SNAI3: variants seen among roughly 807,000 people sequenced by gnomAD.
The protein encoded by SNAI3 is snail family transcriptional repressor 3.
In SNAI3, 21 loss-of-function variants were observed where a neutral mutation model predicts 16.4. The observed-to-expected ratio is 1.28, with a 90% CI of 0.91 to 1.85. The LOEUF is 1.85. Ranked by LOEUF, SNAI3 falls within the 40% of genes most tolerant of loss-of-function variation. The pLI is 0.00. For synonymous variants in SNAI3, 202 were observed against 166.6 expected (o/e 1.21, Z -1.64); for missense variants, 457 against 372.8 (o/e 1.23, Z -1.86).
At chr16:88,682,236 C>T (rs1381351959) in intron 1 of SNAI3, among the ~76,000 whole-genome samples, 1 of 152,222 alleles carries the variant, frequency 6.6e-6, no homozygotes, top group Non-Finnish European at 1.5e-5. Context: ...AGTCGCCCCT[C>T]GGGCATCTCC....
intron 1 of SNAI3, among the ~76,000 whole-genome samples, chr16:88,684,379 C>G (rs1369814104): frequency 1.3e-5 from 2 of 152,246 alleles, no homozygotes; most frequent in Non-Finnish European, 2.9e-5. Context: ...GACAGTCTCG[C>G]CCCGTCAGGC....
chr16:88,682,577 C>G (rs555912180), intron 1 of SNAI3, among the ~76,000 whole-genome samples: 64 of 152,340 alleles, frequency 4.2e-4, no homozygotes, highest in South Asian at 1.0e-3. Flanking sequence ...TAAAATGGAT[C>G]TCTGGCTCTG....
chr16:88,680,892 C>T (rs865910258), intron 2 of SNAI3, among the ~76,000 whole-genome samples: 1 of 152,198 alleles, frequency 6.6e-6, no homozygotes, highest in Admixed American at 6.5e-5. Context: ...CCTGCACTGG[C>T]CCCTGCTGAC....
Position 88,681,924 on chromosome 16 carries a change from G to T in SNAI3, c.77-210C>A, listed in dbSNP as rs980006827. 6.6e-6 allele frequency among the ~76,000 whole-genome samples: 1 copy of T among 152,174 alleles called. No homozygotes were observed. The highest frequency in any genetic ancestry group is 1.5e-5 in the Non-Finnish European group (1 of 68,026). On this transcript the variant is annotated intron_variant, in intron 1 of 2. Transcript: ENST00000332281. The surrounding 1 kb of genome is among the most constrained non-coding windows in gnomAD (Gnocchi z 5.4). ...GCGTGGCCAGGAGTGGAGTCATCTA[G>T]AACAAGAAGGCCCCGCGGTCTAGAG... is the stretch of plus-strand genomic sequence containing the variant.
chr16:88,686,242 C>G (rs2142951291), intron 1 of SNAI3, 89 bp downstream of exon 1: 1 of 1,486,828 alleles, frequency 6.7e-7, no homozygotes. Context: ...ACAGGTGTCT[C>G]CCCAGCCCCC....
Position 88,680,275 on chromosome 16 carries a change from A to ATTTTTTTTTTTT in SNAI3, c.697+807_697+818dup, listed in dbSNP as rs560411217. Among the ~76,000 whole-genome samples, 17 of 55,102 alleles carry ATTTTTTTTTTTT rather than the reference A, an allele frequency of 3.1e-4. 2 individuals carry two copies. Among genetic ancestry groups the ATTTTTTTTTTTT allele is most frequent in the Non-Finnish European group, 4.7e-4 (15 of 31,800 alleles). The allele number at this position is 55,102 out of a possible 152,430, so 36.1% of individuals were successfully genotyped here. ...GTACTTTAATGGCATTATGTTTTTG[A>ATTTTTTTTTTTT]TTTTTTTTTTTTTTTTTTTTTTTTT... On this transcript the variant is annotated intron_variant, in intron 2 of 2. Coordinates refer to ENST00000332281, the MANE Select transcript of SNAI3 (RefSeq NM_178310.4).
At chr16:88,686,253 G>A in intron 1 of SNAI3, 78 bp downstream of exon 1, 2 of 1,520,956 alleles carry the variant, frequency 1.3e-6, no homozygotes, top group Non-Finnish European at 8.9e-7. Flanking sequence ...CCCAGCCCCC[G>A]CTCCCAGGGG....
At chr16:88,683,084 C>CTTTTTT (rs35518035) in intron 1 of SNAI3, among the ~76,000 whole-genome samples, 8 of 98,894 alleles carry the variant, frequency 8.1e-5, no homozygotes, top group African/African-American at 2.8e-4. Context: ...GCCCCCCACC[C>CTTTTTT]TTTTTTTTTT....
chr16:88,678,215 GGA>G lies in SNAI3; in HGVS notation c.*231_*232del, dbSNP rs1440291084. ...CTTGTTCTGATGAAAGCCTTCCCCG[GGA>G]GAGGAGTCTCCTCTGAGTGGGCTCC... is the stretch of plus-strand genomic sequence containing the variant. On this transcript the variant is annotated 3_prime_UTR_variant, in exon 3 of 3. Transcript: ENST00000332281. 6.3e-6 allele frequency: 3 copies of G among 478,322 alleles called. No individual in the cohort carries two copies. Among genetic ancestry groups the G allele is most frequent in the Non-Finnish European group, 1.1e-5 (3 of 268,876 alleles). The allele number at this position is 478,322 out of a possible 1,614,324, so 29.6% of individuals were successfully genotyped here. A position where few individuals can be genotyped will look rare whatever the true frequency, so the allele number is the denominator to read the frequency against.
chr16:88,686,207 C>T lies in SNAI3; in HGVS notation c.76+124G>A, dbSNP rs755623777. On this transcript the variant is annotated intron_variant, in intron 1 of 2. Transcript: ENST00000332281. ...CAGCCGCAGCCGCTGCGCAGAGGCGCTGGCTCCTTCTCCTCCCACCTGGGA... is the reference window on the plus strand; with the variant it reads ...CAGCCGCAGCCGCTGCGCAGAGGCGTTGGCTCCTTCTCCTCCCACCTGGGA... 1.5e-5 allele frequency: 19 copies of T among 1,262,378 alleles called. No individual in the cohort carries two copies. In the Middle Eastern group the frequency reaches 7.1e-4, roughly 47 times the overall value. The allele number at this position is 1,262,378 out of a possible 1,614,324, so 78.2% of individuals were successfully genotyped here.
At chr16:88,680,612 G>T (rs1909133992) in intron 2 of SNAI3, among the ~76,000 whole-genome samples, 1 of 151,198 alleles carries the variant, frequency 6.6e-6, no homozygotes, top group African/African-American at 2.4e-5. Context: ...TTGTTTTTTT[G>T]TTTTGAGTTG....
rs750605980 is a variant in SNAI3, at chr16:88,686,392, G to C, written c.15C>G (p.Phe5Leu). 2 of 1,611,434 alleles carry C rather than the reference G, an allele frequency of 1.2e-6. No individual in the cohort carries two copies. Among genetic ancestry groups the C allele is most frequent in the Non-Finnish European group, 1.7e-6 (2 of 1,179,584 alleles). Residue 5 changes from phenylalanine (F) to leucine (L), a missense_variant, in exon 1 of 3, where the codon TTC becomes TTG. Coordinates refer to ENST00000332281, the MANE Select transcript of SNAI3 (RefSeq NM_178310.4). MPRS[F>L]LVKTHSSHRV... Reference sequence around the variant, plus strand: ...TGTGGCTGGAGTGCGTTTTCACCAGGAAGGAGCGCGGCATGTTCCCCTCCC... The same window carrying C: ...TGTGGCTGGAGTGCGTTTTCACCAGCAAGGAGCGCGGCATGTTCCCCTCCC...
At position 88,681,184 on chromosome 16, in the gene SNAI3, G is replaced by A. The variant is rs149676512; in HGVS notation, c.607C>T (p.Arg203Cys). Residue 203 changes from arginine to cysteine, a missense_variant, in exon 2 of 3, where the codon CGC (arginine) becomes TGC (cysteine). Transcript: ENST00000332281. The surrounding 1 kb of genome is among the most constrained non-coding windows in gnomAD (Gnocchi z 5.4). ...TSLGALKMHI[R>C]THTLPCTCKI... Reference sequence around the variant, plus strand: ...CAGGTGCAGGGCAGCGTGTGAGTGCGGATGTGCATCTTGAGGGCACCCAGG... The same window carrying A: ...CAGGTGCAGGGCAGCGTGTGAGTGCAGATGTGCATCTTGAGGGCACCCAGG... 8.9e-5 allele frequency: 144 copies of A among 1,613,918 alleles called. No homozygotes were observed. In the Middle Eastern group the frequency reaches 1.8e-3, roughly 20 times the overall value.
In SNAI3 at chr16:88,678,502, G is replaced by T. The variant is rs1909050524; in HGVS notation, c.825C>A (p.Ser275=). ...CATGCCGCGCCAGGAGGGACATGCG[G>T]GAGAAGGTCTTGGTGCAGCGCCGGC... is the stretch of plus-strand genomic sequence containing the variant. ...YRCRRCTKTF[S]RMSLLARHEE... is the part of the protein sequence containing the mutation. The change falls in exon 3 of 3, where the codon TCC becomes TCA. Residue 275 remains serine (S), a synonymous_variant. Coordinates refer to ENST00000332281, the MANE Select transcript of SNAI3 (RefSeq NM_178310.4). The T allele has an allele frequency of 2.6e-6, 2 of 783,766 alleles. No individual in the cohort carries two copies. The highest frequency in any genetic ancestry group is 1.7e-5 in the African/African-American group (1 of 59,250). The allele number at this position is 783,766 out of a possible 1,614,324, so 48.6% of individuals were successfully genotyped here. A position where few individuals can be genotyped will look rare whatever the true frequency, so the allele number is the denominator to read the frequency against.
chr16:88,686,496 G>T lies in SNAI3; in HGVS notation c.-90C>A. On this transcript the variant is annotated 5_prime_UTR_variant, in exon 1 of 3. Coordinates refer to ENST00000332281, the MANE Select transcript of SNAI3 (RefSeq NM_178310.4). ...GCTGCGTCCGCCGGCGCTTGAAGGG[G>T]TCAGGCTCATTAGCATAGCGCGCCG... The T allele has an allele frequency of 6.5e-7, 1 of 1,541,264 alleles. No individual in the cohort carries two copies. Among genetic ancestry groups the T allele is most frequent in the Non-Finnish European group, 8.7e-7 (1 of 1,150,988 alleles).
At position 88,681,688 on chromosome 16, in the gene SNAI3, C is replaced by A. The variant is rs761229243; in HGVS notation, c.103G>T (p.Gly35Trp). The A allele has an allele frequency of 3.9e-5, 57 of 1,467,368 alleles. No individual in the cohort carries two copies. The highest frequency in any genetic ancestry group is 4.8e-5 in the Non-Finnish European group (53 of 1,106,448). 90.9% of individuals were successfully genotyped at this position (1,467,368 alleles called of 1,614,324 possible). A position where few individuals can be genotyped will look rare whatever the true frequency, so the allele number is the denominator to read the frequency against. Reference protein sequence around the residue: ...REINGACSACGGLVVPLLPRD... With the variant: ...REINGACSACWGLVVPLLPRD... ...GGGAGGAGGGGCACCACCAGCCCCC[C>A]ACAGGCAGAGCAGGCACCATTGATT... is the stretch of plus-strand genomic sequence containing the variant. Residue 35 changes from glycine to tryptophan, a missense_variant, in exon 2 of 3, where the codon GGG becomes TGG. Coordinates refer to ENST00000332281, the MANE Select transcript of SNAI3 (RefSeq NM_178310.4). This position sits in a 1 kb window ranked among gnomAD's most constrained non-coding sequence, Gnocchi z 5.4.
intron 1 of SNAI3, 135 bp downstream of exon 1, chr16:88,686,196 G>C (rs1157196806): frequency 5.1e-6 from 6 of 1,178,358 alleles, no homozygotes; most frequent in South Asian, 3.2e-5. Flanking sequence ...CGCAGCCGCT[G>C]CGCAGAGGCG....
Position 88,681,804 on chromosome 16 carries a change from A to G in SNAI3, c.77-90T>C. On this transcript the variant is annotated intron_variant, in intron 1 of 2. Transcript: ENST00000332281. This position sits in a 1 kb window ranked among gnomAD's most constrained non-coding sequence, Gnocchi z 5.4. ...AACTCTGATTCGTGGACCCAGTCAC[A>G]GCCCATCAGCAGCCTGGCGTGGGAG... The G allele has an allele frequency of 4.7e-6, 6 of 1,287,576 alleles. No individual in the cohort carries two copies. Among genetic ancestry groups the G allele is most frequent in the Non-Finnish European group, 5.9e-6 (6 of 1,010,236 alleles). The allele number at this position is 1,287,576 out of a possible 1,614,324, so 79.8% of individuals were successfully genotyped here.
At chr16:88,680,085 CAAAAA>C (rs10540733) in intron 2 of SNAI3, among the ~76,000 whole-genome samples, 6 of 125,098 alleles carry the variant, frequency 4.8e-5, no homozygotes, top group African/African-American at 6.2e-5. Context: ...TGCCTCAGAC[CAAAAA>C]AAAAAAAAAA....
Sources: gnomAD v4.1 joint callset for allele counts (sites outside exome capture counted in the v4.1 genomes callset) on GRCh38, gnomAD v4.1.1 for gene constraint, Gnocchi (gnomAD v3.1) non-coding constraint, MANE v1.5 for transcripts, NCBI Gene and HGNC (gene_info 2026-07-23, HGNC 2026-07-21) for gene names.